WDTC1: variants seen among roughly 807,000 people sequenced by gnomAD.
The protein encoded by WDTC1 is WD and tetratricopeptide repeats 1.
In WDTC1, 12 loss-of-function variants were observed where a neutral mutation model predicts 76.0. The ratio of observed to expected loss-of-function variants is 0.16; its 90% CI spans 0.10 to 0.26. The LOEUF is 0.26. Among genes scored for constraint, WDTC1 ranks in the 10% least tolerant of loss-of-function variants. The pLI is 1.00. For synonymous variants in WDTC1, 326 were observed against 350.8 expected, an observed-to-expected ratio of 0.93 and a Z score of 0.79; for missense variants, 511 against 908.8, an observed-to-expected ratio of 0.56 and a Z score of 5.63.
chr1:27,244,788 A>G (rs1359206845), intron 1 of WDTC1, among the ~76,000 whole-genome samples: 1 of 152,182 alleles, frequency 6.6e-6, no homozygotes, highest in Non-Finnish European at 1.5e-5. Context: ...TCTTTGCATA[A>G]TTCAGAATGT....
At chr1:27,267,910 T>C (rs763543936) in intron 3 of WDTC1, among the ~76,000 whole-genome samples, 2 of 152,164 alleles carry the variant, frequency 1.3e-5, no homozygotes, top group Non-Finnish European at 2.9e-5. Flanking sequence ...ATGTACAAGG[T>C]CATTCCTTAT....
rs201617437 is a variant in WDTC1 at position 27,288,346 on chromosome 1, TTTTA to T, written c.479+497_479+500del. Among the ~76,000 whole-genome samples, 342 of 151,618 alleles carry T rather than the reference TTTTA, an allele frequency of 2.3e-3. 2 individuals are homozygous for T. Among genetic ancestry groups the T allele is most frequent in the African/African-American group, 7.3e-3 (302 of 41,300 alleles). Reference sequence around the variant, plus strand: ...TAGTTATTTTTATTAATTAATTAATTTTTATTTATTTATTTTTTTTTTTATTGAT... The same window carrying T: ...TAGTTATTTTTATTAATTAATTAATTTTTATTTATTTTTTTTTTTATTGAT... On this transcript the variant is annotated intron_variant, in intron 6 of 15. Transcript: ENST00000319394.
At chr1:27,251,654 A>C (rs2012067027) in intron 1 of WDTC1, among the ~76,000 whole-genome samples, 1 of 152,054 alleles carries the variant, frequency 6.6e-6, no homozygotes, top group Non-Finnish European at 1.5e-5. Context: ...CAAGACCCTG[A>C]ATTTAGGAAA....
intron 3 of WDTC1, among the ~76,000 whole-genome samples, chr1:27,271,363 T>C (rs923809196): frequency 1.3e-5 from 2 of 151,976 alleles, no homozygotes; most frequent in Non-Finnish European, 2.9e-5. Flanking sequence ...GACAGGCATC[T>C]GCCACCATGC....
intron 1 of WDTC1, among the ~76,000 whole-genome samples, chr1:27,256,655 TTTA>T (rs1197370321): frequency 2.6e-5 from 4 of 152,224 alleles, no homozygotes; most frequent in African/African-American, 9.6e-5. Context: ...TATTTCATTG[TTTA>T]TTGTCTGTCC....
intron 11 of WDTC1, 32 bp from the exon 12 acceptor site, chr1:27,297,906 A>G: frequency 6.4e-7 from 1 of 1,574,544 alleles, no homozygotes; most frequent in Non-Finnish European, 8.7e-7. Flanking sequence ...ACCTTCTTTG[A>G]CTGTTCTGAC....
chr1:27,258,126 C>T (rs1044044725), intron 1 of WDTC1, among the ~76,000 whole-genome samples: 44 of 150,532 alleles, frequency 2.9e-4, no homozygotes, highest in Admixed American at 9.9e-4. Flanking sequence ...CTGCCAGGCA[C>T]GGTGGCTCAT....
chr1:27,282,312 G>A (rs773627075), intron 4 of WDTC1, 27 bp downstream of exon 4: 1 of 1,612,462 alleles, frequency 6.2e-7, no homozygotes, highest in Non-Finnish European at 8.5e-7. Flanking sequence ...GCACCTGAAG[G>A]GTGCTGGGGA....
chr1:27,251,088 A>C (rs2012039790), intron 1 of WDTC1, among the ~76,000 whole-genome samples: 1 of 105,068 alleles, frequency 9.5e-6, no homozygotes, highest in African/African-American at 3.7e-5. Flanking sequence ...ACAGGGTTTC[A>C]CCATATTGGC....
At chr1:27,250,157 A>G (rs914924637) in intron 1 of WDTC1, among the ~76,000 whole-genome samples, 2 of 152,118 alleles carry the variant, frequency 1.3e-5, no homozygotes, top group South Asian at 4.1e-4. Context: ...AGCACCTACT[A>G]CAATCTAGAT....
intron 1 of WDTC1, among the ~76,000 whole-genome samples, chr1:27,235,790 G>A (rs2011481566): frequency 6.6e-6 from 1 of 152,030 alleles, no homozygotes; most frequent in Admixed American, 6.6e-5. Flanking sequence ...GTTTTCCCCA[G>A]AGTTCTTTTC....
At chr1:27,287,927 T>C in intron 6 of WDTC1, 66 bp downstream of exon 6, 1 of 1,531,020 alleles carries the variant, frequency 6.5e-7, no homozygotes, top group Non-Finnish European at 8.8e-7. Context: ...AGTGTTTCCT[T>C]CTACAGACCT....
chr1:27,251,117 C>G (rs868811479), intron 1 of WDTC1, among the ~76,000 whole-genome samples: 2 of 133,814 alleles, frequency 1.5e-5, no homozygotes, highest in Admixed American at 8.3e-5. Flanking sequence ...TCTCAAACTC[C>G]TGACCACAGG....
intron 3 of WDTC1, among the ~76,000 whole-genome samples, chr1:27,265,479 C>CT (rs1313402457): frequency 6.6e-6 from 1 of 151,692 alleles, no homozygotes; most frequent in Non-Finnish European, 1.5e-5. Context: ...GACCTTGTCT[C>CT]TACTAAACAT....
At chr1:27,235,433 T>TGTGTCC (rs2011475127) in intron 1 of WDTC1, among the ~76,000 whole-genome samples, 1 of 147,032 alleles carries the variant, frequency 6.8e-6, no homozygotes, top group Non-Finnish European at 1.5e-5. Context: ...TGTGTGTGTG[T>TGTGTCC]GTGTCCACAG....
chr1:27,291,911 CA>C (rs1176739570), intron 6 of WDTC1, among the ~76,000 whole-genome samples: 2 of 152,116 alleles, frequency 1.3e-5, no homozygotes, highest in African/African-American at 4.8e-5. Context: ...GGACATAAAG[CA>C]CATTTTCACT....
At chr1:27,245,467 A>G (rs565922982) in intron 1 of WDTC1, among the ~76,000 whole-genome samples, 4 of 151,724 alleles carry the variant, frequency 2.6e-5, no homozygotes, top group Non-Finnish European at 5.9e-5. Flanking sequence ...ACCACAGCTC[A>G]AGGTAGGAGA....
At chr1:27,298,889 A>G (rs1351413550) in intron 12 of WDTC1, among the ~76,000 whole-genome samples, 1 of 152,136 alleles carries the variant, frequency 6.6e-6, no homozygotes, top group Non-Finnish European at 1.5e-5. Context: ...TCTGGCTGCA[A>G]CTCGGCAGGC....
chr1:27,303,843 T>C lies in WDTC1; in HGVS notation c.1643+48T>C. ...GTGCAGCCCAGTTGGCAGCGGGAGG[T>C]TGAGTGGGGAGTGTTGGGGCATAAT... On this transcript the variant is annotated intron_variant, in intron 14 of 15. Coordinates refer to ENST00000319394, the MANE Select transcript of WDTC1 (RefSeq NM_001276252.2). This position sits in a 1 kb window ranked among gnomAD's most constrained non-coding sequence, Gnocchi z 4.8. The C allele has an allele frequency of 1.2e-6, 2 of 1,605,310 alleles. No individual in the cohort carries two copies. The highest frequency in any genetic ancestry group is 1.7e-6 in the Non-Finnish European group (2 of 1,176,078).
Sources: allele counts gnomAD v4.1 joint callset (sites outside exome capture counted in the v4.1 genomes callset), GRCh38; gene constraint gnomAD v4.1.1; non-coding constraint Gnocchi (gnomAD v3.1); transcripts MANE v1.5; gene names NCBI Gene and HGNC (gene_info 2026-07-23, HGNC 2026-07-21).